CNTNAP4: variants seen among roughly 807,000 people sequenced by gnomAD.
The protein encoded by CNTNAP4 is contactin-associated protein-like 4.
CNTNAP4 carries 98 observed loss-of-function variants against 148.4 expected under a neutral mutation model. That is an observed-to-expected ratio of 0.66 (90% CI 0.56 to 0.78). The LOEUF (loss-of-function observed/expected upper bound fraction) is 0.78. CNTNAP4 is among the 30% of genes least tolerant of loss of function. CNTNAP4 has a pLI of 0.00. For synonymous variants in CNTNAP4, 730 were observed against 565.1 expected, an observed-to-expected ratio of 1.29 and a Z score of -4.14; for missense variants, 1,935 against 1,565.6, an observed-to-expected ratio of 1.24 and a Z score of -3.98.
chr16:76,319,514 G>A (rs1962182707), intron 2 of CNTNAP4, among the ~76,000 whole-genome samples: 1 of 152,172 alleles, frequency 6.6e-6, no homozygotes, highest in Admixed American at 6.5e-5. Context: ...CTAAAAGATT[G>A]AAATCCTAAC....
chr16:76,277,808 G>C (rs76613593), intron 1 of CNTNAP4, 61 bp downstream of exon 1: 2 of 1,036,836 alleles, frequency 1.9e-6, no homozygotes, highest in Non-Finnish European at 2.9e-6. Flanking sequence ...CTTTGATTCT[G>C]TTGGTTTGAT....
intron 7 of CNTNAP4, among the ~76,000 whole-genome samples, chr16:76,451,630 T>C (rs938155441): frequency 2.0e-5 from 3 of 151,798 alleles, no homozygotes; most frequent in Non-Finnish European, 4.4e-5. Flanking sequence ...TGTGTGTGTG[T>C]GTGTATTTTA....
chr16:76,367,064 T>A (rs1292426930), intron 3 of CNTNAP4, among the ~76,000 whole-genome samples: 1 of 151,696 alleles, frequency 6.6e-6, no homozygotes, highest in Non-Finnish European at 1.5e-5. Context: ...TATATATTAA[T>A]TAAAACTTAT....
intron 15 of CNTNAP4, among the ~76,000 whole-genome samples, chr16:76,504,551 G>C (rs1365111342): frequency 1.3e-5 from 2 of 152,020 alleles, no homozygotes; most frequent in Non-Finnish European, 2.9e-5. Flanking sequence ...AGTGGCCTTG[G>C]GTTGGGCATA....
chr16:76,306,731 A>G (rs1960514945), intron 1 of CNTNAP4, among the ~76,000 whole-genome samples: 1 of 152,222 alleles, frequency 6.6e-6, no homozygotes, highest in South Asian at 2.1e-4. Context: ...AAAATCCTTG[A>G]TGAGAACACA....
intron 1 of CNTNAP4, among the ~76,000 whole-genome samples, chr16:76,301,455 A>G (rs1959957349): frequency 6.6e-6 from 1 of 152,208 alleles, no homozygotes; most frequent in Admixed American, 6.5e-5. Context: ...TTATGATCTA[A>G]TTCAAGGCAT....
intron 1 of CNTNAP4, among the ~76,000 whole-genome samples, chr16:76,294,863 G>T (rs868653975): frequency 6.6e-6 from 1 of 152,084 alleles, no homozygotes; most frequent in Non-Finnish European, 1.5e-5. Context: ...ATTCTTGCTC[G>T]CAATTGAGAA....
intron 3 of CNTNAP4, among the ~76,000 whole-genome samples, chr16:76,363,345 A>G (rs1333854541): frequency 6.6e-6 from 1 of 151,914 alleles, no homozygotes; most frequent in Non-Finnish European, 1.5e-5. Context: ...TATTTTCAGT[A>G]GAGACTGGGC....
At chr16:76,482,062 A>T (rs1372255280) in intron 12 of CNTNAP4, among the ~76,000 whole-genome samples, 1 of 151,878 alleles carries the variant, frequency 6.6e-6, no homozygotes, top group Admixed American at 6.6e-5. Context: ...GTGGGATGCA[A>T]TCTGACTTCC....
At chr16:76,288,991 C>A (rs1269035298) in intron 1 of CNTNAP4, among the ~76,000 whole-genome samples, 1 of 152,084 alleles carries the variant, frequency 6.6e-6, no homozygotes, top group Non-Finnish European at 1.5e-5. Context: ...CTGTCATAAT[C>A]CATTATGGTA....
At chr16:76,388,141 A>G (rs1218262981) in intron 3 of CNTNAP4, among the ~76,000 whole-genome samples, 2 of 152,150 alleles carry the variant, frequency 1.3e-5, no homozygotes, top group Non-Finnish European at 2.9e-5. Context: ...ACAAGTTCCT[A>G]CTTTGTGGAT....
intron 2 of CNTNAP4, among the ~76,000 whole-genome samples, chr16:76,319,677 A>G (rs764221107): frequency 1.3e-5 from 2 of 152,190 alleles, no homozygotes; most frequent in Non-Finnish European, 2.9e-5. Flanking sequence ...ATACAGAGAC[A>G]GGAAAGACAG....
At chr16:76,526,255 T>G (rs1288071360) in intron 17 of CNTNAP4, among the ~76,000 whole-genome samples, 2 of 151,920 alleles carry the variant, frequency 1.3e-5, no homozygotes, top group African/African-American at 4.8e-5. Flanking sequence ...GGAATAAGCT[T>G]TAGGGATTCA....
At chr16:76,525,169 A>G (rs2144143851) in intron 17 of CNTNAP4, among the ~76,000 whole-genome samples, 2 of 152,270 alleles carry the variant, frequency 1.3e-5, no homozygotes, top group South Asian at 4.1e-4. Context: ...CACACAAATC[A>G]GAATTTAAGA....
At chr16:76,555,571 A>G (rs955577834) in intron 23 of CNTNAP4, among the ~76,000 whole-genome samples, 17 of 152,224 alleles carry the variant, frequency 1.1e-4, no homozygotes, top group African/African-American at 4.1e-4. Flanking sequence ...AAATACAGAT[A>G]CAGAGACAGA....
chr16:76,283,212 A>G (rs2143756370), intron 1 of CNTNAP4, among the ~76,000 whole-genome samples: 1 of 152,092 alleles, frequency 6.6e-6, no homozygotes, highest in South Asian at 2.1e-4. Context: ...TTGTTTAAAT[A>G]CTATGTTTAA....
At chr16:76,370,814 C>T (rs13337339) in intron 3 of CNTNAP4, among the ~76,000 whole-genome samples, 7,651 of 152,166 alleles carry the variant, frequency 0.05, 616 homozygotes, top group African/African-American at 0.17. Context: ...GCTTCCCTTT[C>T]AACCCATAAA....
chr16:76,372,825 T>G (rs1286943410), intron 3 of CNTNAP4, among the ~76,000 whole-genome samples: 3 of 152,230 alleles, frequency 2.0e-5, no homozygotes, highest in African/African-American at 7.2e-5. Context: ...AAATAATTAC[T>G]CAAGTGCTAC....
intron 2 of CNTNAP4, among the ~76,000 whole-genome samples, chr16:76,335,433 A>T (rs117462784): frequency 6.6e-6 from 1 of 152,112 alleles, no homozygotes; most frequent in East Asian, 1.9e-4. Flanking sequence ...CTTAAAACAT[A>T]AAGGATTTGA....
Sources: gnomAD v4.1 joint callset for allele counts (sites outside exome capture counted in the v4.1 genomes callset) on GRCh38, gnomAD v4.1.1 for gene constraint, MANE v1.5 for transcripts, NCBI Gene and HGNC (gene_info 2026-07-23, HGNC 2026-07-21) for gene names.